Variants in RARB observed in about 807,000 individuals in gnomAD.
RARB encodes the protein retinoic acid receptor beta, also known as HBV-activated protein.
RARB carries 17 observed loss-of-function variants against 51.9 expected under a neutral mutation model. The observed-to-expected ratio is 0.33, with a 90% CI of 0.22 to 0.49. RARB has a LOEUF of 0.49. Ranked by LOEUF, RARB falls within the 20% of genes least tolerant of loss-of-function variation. The pLI is 0.99. For missense variants in RARB, 369 were observed against 550.8 expected (o/e 0.67, Z 3.30); for synonymous variants, 215 against 195.4 (o/e 1.10, Z -0.84).
chr3:25,047,707 C>T (rs1404459085), intron 2 of RARB, among the ~76,000 whole-genome samples: 1 of 152,168 alleles, frequency 6.6e-6, no homozygotes, highest in Non-Finnish European at 1.5e-5. Context: ...AACAGAGAGG[C>T]TCAACAAATT....
At chr3:25,218,717 C>T (rs747472965) in intron 5 of RARB, among the ~76,000 whole-genome samples, 20 of 152,206 alleles carry the variant, frequency 1.3e-4, no homozygotes, top group Non-Finnish European at 2.1e-4. Flanking sequence ...ATGTGCCCTG[C>T]TCCCTGTGAT....
At position 25,534,513 on chromosome 3, in the gene RARB, G is replaced by A. The variant is rs370599368; in HGVS notation, c.448+33190G>A. On this transcript the variant is annotated intron_variant, in intron 3 of 7. Transcript: ENST00000330688. Reference sequence around the variant, plus strand: ...TGGGAATGTCATGTGTGCTTCTCCCGCTCTTCCTGCTTTTCCTTCTTCCGT... The same window carrying A: ...TGGGAATGTCATGTGTGCTTCTCCCACTCTTCCTGCTTTTCCTTCTTCCGT... 5.1e-4 allele frequency among the ~76,000 whole-genome samples: 77 copies of A among 152,176 alleles called. No homozygotes were observed. In the South Asian group the frequency reaches 0.016, roughly 31 times the overall value.
At chr3:25,210,900 A>T (rs1701680589) in intron 5 of RARB, among the ~76,000 whole-genome samples, 1 of 151,828 alleles carries the variant, frequency 6.6e-6, no homozygotes, top group South Asian at 2.1e-4. Context: ...ATAAAAGTCC[A>T]CTCAATATTA....
At chr3:25,338,710 A>G (rs550127611) in intron 5 of RARB, among the ~76,000 whole-genome samples, 1 of 152,284 alleles carries the variant, frequency 6.6e-6, no homozygotes, top group South Asian at 2.1e-4. Flanking sequence ...TCATTTGTTC[A>G]TTCACTTATC....
At chr3:25,147,893 C>G (rs1424941450) in intron 4 of RARB, among the ~76,000 whole-genome samples, 1 of 152,194 alleles carries the variant, frequency 6.6e-6, no homozygotes, top group Non-Finnish European at 1.5e-5. Flanking sequence ...TATTGTCTCC[C>G]TCTTCTTCCT....
At chr3:25,099,397 A>G (rs1334833163) in intron 3 of RARB, among the ~76,000 whole-genome samples, 1 of 152,118 alleles carries the variant, frequency 6.6e-6, no homozygotes, top group South Asian at 2.1e-4. Flanking sequence ...AAAAATATTA[A>G]TGTAACAGAA....
At chr3:25,536,039 AC>A (rs1699127258) in intron 3 of RARB, among the ~76,000 whole-genome samples, 1 of 152,164 alleles carries the variant, frequency 6.6e-6, no homozygotes, top group Admixed American at 6.6e-5. Context: ...CATAAAGATG[AC>A]AACAGTGATA....
At chr3:24,873,744 T>G (rs1455148203) in intron 2 of RARB, among the ~76,000 whole-genome samples, 1 of 152,020 alleles carries the variant, frequency 6.6e-6, no homozygotes, top group East Asian at 1.9e-4. Flanking sequence ...CCCACATATT[T>G]GGACACATGT....
intron 5 of RARB, among the ~76,000 whole-genome samples, chr3:25,298,005 G>T (rs566437779): frequency 6.6e-6 from 1 of 152,226 alleles, no homozygotes; most frequent in South Asian, 2.1e-4. Flanking sequence ...GAATGATTCA[G>T]ATATTCCACA....
rs142426301 is a variant in RARB at position 25,147,153 on chromosome 3, T to A, written c.-280+14945T>A. Among the ~76,000 whole-genome samples the A allele has an allele frequency of 2.2e-3, 340 of 152,308 alleles. 3 individuals are homozygous for A. Among genetic ancestry groups the A allele is most frequent in the Middle Eastern group, 3.4e-3 (1 of 294 alleles). On this transcript the variant is annotated intron_variant, in intron 4 of 11. Transcript: ENST00000383772. ...TGGGGGACACAATTTCCAGAGGTAT[T>A]TTCTGAAAATTTTGATTCAGTTTTG...
At chr3:25,374,774 G>A (rs962241659) in intron 5 of RARB, among the ~76,000 whole-genome samples, 5 of 152,062 alleles carry the variant, frequency 3.3e-5, no homozygotes, top group Admixed American at 1.3e-4. Flanking sequence ...CAACCTAAAC[G>A]TGTCTTCTTT....
chr3:24,962,386 A>G (rs1288507775), intron 2 of RARB, among the ~76,000 whole-genome samples: 1 of 152,204 alleles, frequency 6.6e-6, no homozygotes, highest in African/African-American at 2.4e-5. Flanking sequence ...ACTAGATGCC[A>G]GCATCAACCC....
At chr3:25,531,058 T>A (rs1464630704) in intron 3 of RARB, among the ~76,000 whole-genome samples, 2 of 152,256 alleles carry the variant, frequency 1.3e-5, no homozygotes, top group South Asian at 2.1e-4. Context: ...TAGAAAGAGA[T>A]AAGGAAGTAA....
chr3:25,263,487 ATGT>A (rs1417664944), intron 5 of RARB, among the ~76,000 whole-genome samples: 1 of 152,122 alleles, frequency 6.6e-6, no homozygotes, highest in African/African-American at 2.4e-5. Context: ...TTAATTTGAA[ATGT>A]TGTTTATTTC....
intron 3 of RARB, among the ~76,000 whole-genome samples, chr3:25,534,872 C>T (rs553420572): frequency 1.2e-4 from 19 of 152,250 alleles, no homozygotes; most frequent in African/African-American, 4.6e-4. Flanking sequence ...GAGGTGGAGG[C>T]CATCACTCCT....
chr3:25,196,913 G>C (rs1258712268), intron 5 of RARB, among the ~76,000 whole-genome samples: 1 of 151,202 alleles, frequency 6.6e-6, no homozygotes, highest in African/African-American at 2.4e-5. Context: ...TTTTTGATGG[G>C]GTTGATTTTT....
chr3:25,593,427 A>T (rs1163168455), intron 5 of RARB, 76 bp from the exon 6 acceptor site: 9 of 1,374,210 alleles, frequency 6.5e-6, no homozygotes, highest in Non-Finnish European at 8.2e-6. Flanking sequence ...TCTTCATGTT[A>T]TTTCCTGCTT....
At position 24,867,604 on chromosome 3, in the gene RARB, G is replaced by A. The variant is rs950189043; in HGVS notation, c.-380+8852G>A. ...AAATTACTTACCCTTCTGTAGGGGA[G>A]GGAGCCTTTGGTCTCATGGGAAGCA... On this transcript the variant is annotated intron_variant, in intron 2 of 11. Transcript: ENST00000383772. Among the ~76,000 whole-genome samples the A allele has an allele frequency of 1.5e-4, 23 of 152,236 alleles. No individual in the cohort carries two copies. In the East Asian group the frequency reaches 4.4e-3, roughly 29 times the overall value.
At chr3:24,848,811 A>C (rs1326789521) in intron 1 of RARB, among the ~76,000 whole-genome samples, 1 of 152,226 alleles carries the variant, frequency 6.6e-6, no homozygotes, top group African/African-American at 2.4e-5. Context: ...TTCAGGCCTT[A>C]GTGTGACCTT....
Sources: allele counts gnomAD v4.1 joint callset (sites outside exome capture counted in the v4.1 genomes callset), GRCh38; gene constraint gnomAD v4.1.1; transcripts MANE v1.5; gene names NCBI Gene and HGNC (gene_info 2026-07-23, HGNC 2026-07-21).